Variants in ZNF484 observed in about 807,000 individuals in gnomAD.
ZNF484 encodes the protein KRAB box containing C2H2 type zinc finger bA526D8.4.
A neutral mutation model predicts 12.9 loss-of-function variants in ZNF484; 11 were observed. The observed-to-expected ratio is 0.85, with a 90% CI of 0.54 to 1.41. ZNF484 has a LOEUF of 1.41. Ranked by LOEUF, ZNF484 falls within the 40% of genes most tolerant of loss-of-function variation. ZNF484 has a pLI of 0.00. For missense variants in ZNF484, 807 were observed against 1,007.7 expected, an observed-to-expected ratio of 0.80 and a Z score of 2.70; for synonymous variants, 289 against 334.1, an observed-to-expected ratio of 0.86 and a Z score of 1.47.
chr9:92,846,472 C>G lies in ZNF484; in HGVS notation c.2315G>C (p.Gly772Ala). ...CTCAGCACATATATATGGTTTCTCT[C>G]CTGTGTGAATTCGATGATGCTCATG... ...QLHEHHRIHT[G>A]EKPYICAECG... The change falls in exon 5 of 5, where the codon GGA becomes GCA. Residue 772 changes from glycine to alanine, a missense_variant. Gly to Ala is a moderately conservative substitution (Grantham distance 60). Coordinates refer to ENST00000375495, the MANE Select transcript of ZNF484 (RefSeq NM_031486.4). The G allele has an allele frequency of 6.2e-7, 1 of 1,614,120 alleles. No homozygotes were observed. The highest frequency in any genetic ancestry group is 8.5e-7 in the Non-Finnish European group (1 of 1,180,012).
intron 4 of ZNF484, among the ~76,000 whole-genome samples, chr9:92,851,417 T>A (rs754739182): frequency 2.0e-5 from 3 of 152,252 alleles, no homozygotes; most frequent in Non-Finnish European, 4.4e-5. Flanking sequence ...ATAAAGTTTT[T>A]ATTGGAACAC....
intron 4 of ZNF484, among the ~76,000 whole-genome samples, chr9:92,855,537 G>C (rs960523988): frequency 1.3e-5 from 2 of 152,084 alleles, no homozygotes; most frequent in African/African-American, 4.8e-5. Flanking sequence ...CAGGACCCTA[G>C]AAAGTAGAGT....
rs370798287 is a variant in ZNF484, at chr9:92,847,706, A to T, written c.1081T>A (p.Cys361Ser). 4 of 1,613,516 alleles carry T rather than the reference A, an allele frequency of 2.5e-6. No individual in the cohort carries two copies. Among genetic ancestry groups the T allele is most frequent in the Non-Finnish European group, 3.4e-6 (4 of 1,180,020 alleles). The change falls in exon 5 of 5, where the codon TGT becomes AGT. Residue 361 changes from cysteine (C) to serine (S), a missense_variant. Coordinates refer to ENST00000375495, the MANE Select transcript of ZNF484 (RefSeq NM_031486.4). Reference sequence around the variant, plus strand: ...GAATTCTGAGGGAGGTTTTTCTCACATTCACTGTACTCATAAGGTTTTTCT... The same window carrying T: ...GAATTCTGAGGGAGGTTTTTCTCACTTTCACTGTACTCATAAGGTTTTTCT... The part of the protein sequence containing the change: ...SGEKPYEYSE[C>S]EKNLPQNSNL...
chr9:92,868,064 C>A (rs1011382467), intron 2 of ZNF484, among the ~76,000 whole-genome samples: 2 of 152,144 alleles, frequency 1.3e-5, no homozygotes, highest in African/African-American at 2.4e-5. Flanking sequence ...TATTCTTTGG[C>A]CTTAAAACAA....
Position 92,861,449 on chromosome 9 carries a change from T to C in ZNF484, c.16-5131A>G, listed in dbSNP as rs1326489514. On this transcript the variant is annotated intron_variant, in intron 2 of 4. Coordinates refer to ENST00000375495, the MANE Select transcript of ZNF484 (RefSeq NM_031486.4). ...AATATATAAATTCTCAGCAAAGAAATAGAAGGTATGAGGAGGAACAAAATG... is the reference window on the plus strand; with the variant it reads ...AATATATAAATTCTCAGCAAAGAAACAGAAGGTATGAGGAGGAACAAAATG... Among the ~76,000 whole-genome samples the C allele has an allele frequency of 2.6e-5, 4 of 152,150 alleles. No individual in the cohort carries two copies. The East Asian group carries it at 5.8e-4, about 22-fold the overall frequency.
rs1439107494 is a variant in ZNF484 at position 92,847,150 on chromosome 9, T to C, written c.1637A>G (p.His546Arg). The change falls in exon 5 of 5, where the codon CAT (histidine) becomes CGT (arginine). Residue 546 changes from histidine (H) to arginine (R), a missense_variant. Coordinates refer to ENST00000375495, the MANE Select transcript of ZNF484 (RefSeq NM_031486.4). ...KSRLRIHQKCHTGERHYECSE... is the reference protein window; with the variant it reads ...KSRLRIHQKCRTGERHYECSE... ...GCATTCATAATGTCTCTCTCCAGTATGACACTTCTGATGTATCCTGAGCCG... is the reference window on the plus strand; with the variant it reads ...GCATTCATAATGTCTCTCTCCAGTACGACACTTCTGATGTATCCTGAGCCG... 3 of 1,614,050 alleles carry C rather than the reference T, an allele frequency of 1.9e-6. No homozygotes were observed. The highest frequency in any genetic ancestry group is 2.5e-6 in the Non-Finnish European group (3 of 1,180,044).
At chr9:92,855,963 T>A (rs1343554439) in intron 3 of ZNF484, 60 bp from the exon 4 acceptor site, 1 of 1,582,188 alleles carries the variant, frequency 6.3e-7, no homozygotes, top group Non-Finnish European at 8.6e-7. Flanking sequence ...AGCATTCCAT[T>A]TTTTTCCCAA....
At chr9:92,858,615 T>C (rs1317989970) in intron 2 of ZNF484, among the ~76,000 whole-genome samples, 1 of 152,008 alleles carries the variant, frequency 6.6e-6, no homozygotes, top group Non-Finnish European at 1.5e-5. Context: ...ATGGAAATAA[T>C]AATGCAAAAA....
chr9:92,869,501 C>T (rs1345174047), intron 2 of ZNF484, among the ~76,000 whole-genome samples: 1 of 152,194 alleles, frequency 6.6e-6, no homozygotes, highest in African/African-American at 2.4e-5. Flanking sequence ...GTGGGCAGAT[C>T]GCTTGAGCCC....
rs1262148599 is a variant in ZNF484 at position 92,877,985 on chromosome 9, C to T, written c.-126G>A. 8.4e-6 allele frequency: 8 copies of T among 955,938 alleles called. No individual in the cohort carries two copies. The highest frequency in any genetic ancestry group is 1.2e-5 in the Non-Finnish European group (8 of 644,402). The allele number at this position is 955,938 out of a possible 1,614,324, so 59.2% of individuals were successfully genotyped here. On this transcript the variant is annotated 5_prime_UTR_variant, in exon 1 of 5. Coordinates refer to ENST00000375495, the MANE Select transcript of ZNF484 (RefSeq NM_031486.4). ...AGAACAGGACCCACTTCCTTTTTCTCAATGCCTCCCAGGCCTAGAGGTACT... is the reference window on the plus strand; with the variant it reads ...AGAACAGGACCCACTTCCTTTTTCTTAATGCCTCCCAGGCCTAGAGGTACT...
At chr9:92,863,049 AAT>A in intron 2 of ZNF484, among the ~76,000 whole-genome samples, 2 of 152,178 alleles carry the variant, frequency 1.3e-5, no homozygotes, top group Non-Finnish European at 2.9e-5. Flanking sequence ...GGCTAAAGAA[AAT>A]GTGGCACATA....
intron 1 of ZNF484, among the ~76,000 whole-genome samples, 165 bp from the exon 2 acceptor site, chr9:92,875,224 G>A (rs1857723688): frequency 6.6e-6 from 1 of 152,148 alleles, no homozygotes. Context: ...AGATTTAAGT[G>A]CAAAAGTTTT....
chr9:92,854,385 G>A (rs1406483950), intron 4 of ZNF484, among the ~76,000 whole-genome samples: 1 of 152,108 alleles, frequency 6.6e-6, no homozygotes, highest in East Asian at 1.9e-4. Flanking sequence ...ATATTAGTAT[G>A]CCCAATGATA....
At chr9:92,866,581 G>A (rs563500859) in intron 2 of ZNF484, among the ~76,000 whole-genome samples, 1 of 152,306 alleles carries the variant, frequency 6.6e-6, no homozygotes, top group Non-Finnish European at 1.5e-5. Context: ...AAGACAGTGT[G>A]GCAATTCCTC....
intron 3 of ZNF484, 35 bp downstream of exon 3, chr9:92,856,157 G>T: frequency 1.2e-6 from 2 of 1,605,270 alleles, no homozygotes; most frequent in Non-Finnish European, 1.7e-6. Flanking sequence ...TCAATTAGGT[G>T]CAGCCTACTC....
intron 1 of ZNF484, among the ~76,000 whole-genome samples, chr9:92,877,655 C>G (rs545064316): frequency 3.5e-4 from 52 of 149,998 alleles, no homozygotes; most frequent in Admixed American, 5.9e-4. Context: ...GCCCTCACTC[C>G]GCCCTCAGAT....
At chr9:92,857,551 G>A (rs1856535709) in intron 2 of ZNF484, among the ~76,000 whole-genome samples, 1 of 152,074 alleles carries the variant, frequency 6.6e-6, no homozygotes, top group Admixed American at 6.6e-5. Flanking sequence ...AAAATAGTTG[G>A]GCATCTATCA....
At chr9:92,867,634 A>G (rs1011453466) in intron 2 of ZNF484, among the ~76,000 whole-genome samples, 1 of 152,248 alleles carries the variant, frequency 6.6e-6, no homozygotes, top group Non-Finnish European at 1.5e-5. Context: ...AAAATTTTAA[A>G]AAAAGAAAAT....
chr9:92,847,831 T>C lies in ZNF484; in HGVS notation c.956A>G (p.Gln319Arg). Residue 319 changes from glutamine (Q) to arginine (R), a missense_variant, in exon 5 of 5, where the codon CAG (glutamine) becomes CGG (arginine). By Grantham distance (43) the Gln-to-Arg change is conservative. Coordinates refer to ENST00000375495, the MANE Select transcript of ZNF484 (RefSeq NM_031486.4). ...EKDFSLKSNRQKTPYEGNYYK... is the reference protein window; with the variant it reads ...EKDFSLKSNRRKTPYEGNYYK... ...GTAATTCCCCTCATAAGGAGTTTTC[T>C]GACGGTTTGACTTGAGGGAAAAATC... is the stretch of plus-strand genomic sequence containing the variant. 1 of 1,614,152 alleles carries C rather than the reference T, an allele frequency of 6.2e-7. No homozygotes were observed. The highest frequency in any genetic ancestry group is 8.5e-7 in the Non-Finnish European group (1 of 1,180,032).
Sources: allele counts gnomAD v4.1 joint callset (sites outside exome capture counted in the v4.1 genomes callset), GRCh38; gene constraint gnomAD v4.1.1; transcripts MANE v1.5; gene names NCBI Gene and HGNC (gene_info 2026-07-23, HGNC 2026-07-21).